The following COPG2 variants were observed in gnomAD, a reference collection of about 807,000 sequenced individuals.
The protein encoded by COPG2 is coat protein complex I subunit gamma 2.
In COPG2, 37 loss-of-function variants were observed where a neutral mutation model predicts 46.3. That is an observed-to-expected ratio of 0.80 (90% CI 0.61 to 1.05). The LOEUF (loss-of-function observed/expected upper bound fraction) is 1.05, where lower values mean the gene tolerates loss of function less well. Ranked by LOEUF, COPG2 falls within the 50% of genes least tolerant of loss-of-function variation. COPG2 has a pLI of 0.00. For missense variants in COPG2, 427 were observed against 387.8 expected (o/e 1.10, Z -0.85); for synonymous variants, 159 against 129.7 (o/e 1.23, Z -1.53).
intron 20 of COPG2, among the ~76,000 whole-genome samples, chr7:130,541,464 G>A (rs1468828785): frequency 5.9e-5 from 9 of 152,080 alleles, no homozygotes; most frequent in Non-Finnish European, 1.0e-4. Context: ...AGGAGCAGAG[G>A]AGCTGAGTCT....
In COPG2 at chr7:130,652,906, C is replaced by T. The variant is rs1474631313; in HGVS notation, c.286G>A (p.Ala96Thr). ...RMCYLTIKEM[A>T]TISEDVIIVT... ...ATTATCACATCCTCAGAGATGGTAG[C>T]CATTTCTTTGATGGTAAGGTAGCAC... Residue 96 changes from alanine to threonine, a missense_variant, in exon 5 of 24, where the codon GCT (alanine) becomes ACT (threonine). Coordinates refer to ENST00000425248, the MANE Select transcript of COPG2 (RefSeq NM_012133.6). 8 of 1,607,736 alleles carry T rather than the reference C, an allele frequency of 5.0e-6. No homozygotes were observed. The South Asian group carries it at 6.7e-5, about 13-fold the overall frequency.
chr7:130,591,961 G>C (rs1446307187), intron 9 of COPG2, among the ~76,000 whole-genome samples: 2 of 152,224 alleles, frequency 1.3e-5, no homozygotes, highest in Non-Finnish European at 2.9e-5. Flanking sequence ...AATAGAAAGG[G>C]GGGAAAGGCG....
intron 9 of COPG2, among the ~76,000 whole-genome samples, chr7:130,603,525 G>C (rs1794674450): frequency 6.6e-6 from 1 of 151,940 alleles, no homozygotes; most frequent in African/African-American, 2.4e-5. Context: ...TTCAAGACCA[G>C]CCTGGCGAAC....
At chr7:130,526,617 G>A (rs1214703290) in intron 20 of COPG2, among the ~76,000 whole-genome samples, 1 of 151,994 alleles carries the variant, frequency 6.6e-6, no homozygotes, top group Non-Finnish European at 1.5e-5. Flanking sequence ...CATAGGTGGA[G>A]TGAGGTGAAG....
intron 4 of COPG2, among the ~76,000 whole-genome samples, chr7:130,659,352 C>T (rs1406949481): frequency 2.4e-4 from 2 of 8,250 alleles, no homozygotes; most frequent in African/African-American, 5.0e-4. Context: ...AAGACTCCGT[C>T]TCAAAAAAAA....
chr7:130,552,874 T>C (rs1378889902), intron 14 of COPG2, among the ~76,000 whole-genome samples: 2 of 152,224 alleles, frequency 1.3e-5, no homozygotes, highest in Admixed American at 6.5e-5. Flanking sequence ...GACATGTCCC[T>C]GATCTCAAGG....
chr7:130,507,336 T>A lies in COPG2; in HGVS notation c.2423A>T (p.Gln808Leu). 1 of 780,742 alleles carries A rather than the reference T, an allele frequency of 1.3e-6. No homozygotes were observed. The highest frequency in any genetic ancestry group is 1.7e-5 in the Admixed American group (1 of 59,040). The allele number at this position is 780,742 out of a possible 1,614,324, so 48.4% of individuals were successfully genotyped here. A position where few individuals can be genotyped will look rare whatever the true frequency, so the allele number is the denominator to read the frequency against. ...TACTTTATCGGACCTCTCACATGGC[T>A]GCATGCCCAGAAATGTGATGATATT... ...VNNIITFLGM[Q>L]PCERSDKVPE... The change falls in exon 23 of 24, where the codon CAG becomes CTG. Residue 808 changes from glutamine (Q) to leucine (L), a missense_variant. Physicochemically the swap from Gln to Leu is moderately radical, Grantham distance 113. Transcript: ENST00000425248.
At chr7:130,636,611 T>C (rs1554456326) in intron 5 of COPG2, among the ~76,000 whole-genome samples, 1 of 150,748 alleles carries the variant, frequency 6.6e-6, no homozygotes, top group African/African-American at 2.4e-5. Context: ...TAAGCCTATG[T>C]GTGTCTCTGC....
chr7:130,588,792 A>T (rs1794338465), intron 9 of COPG2, among the ~76,000 whole-genome samples: 2 of 150,978 alleles, frequency 1.3e-5, no homozygotes. Context: ...AACTTAAAGT[A>T]TAATAATAAA....
intron 20 of COPG2, among the ~76,000 whole-genome samples, chr7:130,530,336 G>A (rs1034166787): frequency 0.11 from 17,066 of 151,950 alleles, 1,133 homozygotes; most frequent in East Asian, 0.22. Flanking sequence ...GAAGTGGCGG[G>A]ACTGGCTGTG....
intron 9 of COPG2, among the ~76,000 whole-genome samples, chr7:130,604,514 G>T (rs1794694295): frequency 6.6e-6 from 1 of 152,056 alleles, no homozygotes; most frequent in Non-Finnish European, 1.5e-5. Flanking sequence ...GAAATAAAAT[G>T]ACTTCGGATA....
chr7:130,658,002 C>T (rs1795891392), intron 4 of COPG2, among the ~76,000 whole-genome samples: 1 of 152,112 alleles, frequency 6.6e-6, no homozygotes, highest in Admixed American at 6.5e-5. Context: ...CAAAGTTAAA[C>T]ATACCATACC....
intron 9 of COPG2, among the ~76,000 whole-genome samples, chr7:130,585,707 A>G (rs782354096): frequency 6.6e-6 from 1 of 152,114 alleles, no homozygotes; most frequent in Non-Finnish European, 1.5e-5. Context: ...CAACGAACAT[A>G]TAAAAAAATG....
intron 12 of COPG2, among the ~76,000 whole-genome samples, chr7:130,560,395 A>G (rs1793699487): frequency 6.6e-6 from 1 of 152,188 alleles, no homozygotes; most frequent in Admixed American, 6.5e-5. Context: ...AAATAATGTT[A>G]AGATGTCAGT....
rs947734907 is a variant in COPG2 at position 130,516,738 on chromosome 7, T to C, written c.2150-8079A>G. On this transcript the variant is annotated intron_variant, in intron 20 of 23. Transcript: ENST00000425248. ...GTGTATTAACAAGGAGAGAGTAAGG[T>C]AAGAAGGTGGCAAAGTAAGAGCCAG... is the stretch of plus-strand genomic sequence containing the variant. Among the ~76,000 whole-genome samples, 7 of 152,086 alleles carry C rather than the reference T, an allele frequency of 4.6e-5. No individual in the cohort carries two copies. In the South Asian group the frequency reaches 1.5e-3, roughly 32 times the overall value.
intron 14 of COPG2, among the ~76,000 whole-genome samples, chr7:130,553,469 T>C (rs1278824163): frequency 6.6e-6 from 1 of 151,688 alleles, no homozygotes; most frequent in Non-Finnish European, 1.5e-5. Flanking sequence ...AATGAAGAAA[T>C]ATTAAGGAGA....
chr7:130,668,527 G>T (rs1218814466), intron 1 of COPG2, 105 bp downstream of exon 1: 3 of 1,055,882 alleles, frequency 2.8e-6, no homozygotes, highest in African/African-American at 1.7e-5. Context: ...CCCCTGGCAC[G>T]GCGGCGCCCA....
intron 9 of COPG2, among the ~76,000 whole-genome samples, chr7:130,599,616 A>G (rs1794597458): frequency 1.3e-5 from 2 of 152,106 alleles, no homozygotes; most frequent in Admixed American, 1.3e-4. Flanking sequence ...TTCTCTTTGC[A>G]GTAAATCTCT....
intron 9 of COPG2, 154 bp downstream of exon 9, chr7:130,610,799 C>T (rs782559531): frequency 1.3e-6 from 1 of 764,426 alleles, no homozygotes; most frequent in Non-Finnish European, 2.2e-6. Context: ...AAAAGTGTGA[C>T]TTGAAATTCC....
Sources: allele counts gnomAD v4.1 joint callset (sites outside exome capture counted in the v4.1 genomes callset), GRCh38; gene constraint gnomAD v4.1.1; transcripts MANE v1.5; gene names NCBI Gene and HGNC (gene_info 2026-07-23, HGNC 2026-07-21).